Variants in BFAR observed in about 807,000 individuals in gnomAD.
BFAR encodes the protein RING finger protein 47.
In BFAR, 52 loss-of-function variants were observed where a neutral mutation model predicts 54.4. The ratio of observed to expected loss-of-function variants is 0.96; its 90% CI spans 0.77 to 1.21. BFAR has a LOEUF of 1.21. BFAR is among the 50% of genes most tolerant of loss of function. The pLI, the probability that BFAR is intolerant of heterozygous loss-of-function variation, is 0.00. For missense variants in BFAR, 571 were observed against 534.0 expected (o/e 1.07, Z -0.68); for synonymous variants, 215 against 204.3 (o/e 1.05, Z -0.45).
intron 1 of BFAR, among the ~76,000 whole-genome samples, chr16:14,642,450 A>T (rs1000254313): frequency 4.6e-5 from 7 of 152,170 alleles, no homozygotes; most frequent in Non-Finnish European, 8.8e-5. Flanking sequence ...CTACTTCTCA[A>T]TTTAAAAAAA....
intron 4 of BFAR, among the ~76,000 whole-genome samples, chr16:14,652,737 A>G (rs952344853): frequency 6.6e-6 from 1 of 152,044 alleles, no homozygotes; most frequent in Non-Finnish European, 1.5e-5. Flanking sequence ...TTTAATTTAA[A>G]CTGAAAATAT....
chr16:14,663,652 C>T (rs549486991), intron 6 of BFAR, among the ~76,000 whole-genome samples: 2 of 152,164 alleles, frequency 1.3e-5, no homozygotes, highest in South Asian at 4.2e-4. Flanking sequence ...AATTTTTTAT[C>T]TGCTAATATG....
intron 2 of BFAR, among the ~76,000 whole-genome samples, chr16:14,648,014 C>T (rs1420976102): frequency 6.6e-6 from 1 of 152,056 alleles, no homozygotes; most frequent in Non-Finnish European, 1.5e-5. Context: ...CCCCGGTGGG[C>T]AGATTGCCTG....
chr16:14,635,545 G>A (rs552349730), intron 1 of BFAR, among the ~76,000 whole-genome samples: 60 of 152,204 alleles, frequency 3.9e-4, no homozygotes, highest in Non-Finnish European at 6.5e-4. Flanking sequence ...AGGCTCCAGC[G>A]AGAGCCAGGA....
At chr16:14,665,154 C>T in intron 7 of BFAR, 83 bp downstream of exon 7, 3 of 1,324,044 alleles carry the variant, frequency 2.3e-6, no homozygotes, top group South Asian at 2.7e-5. Context: ...ATTTCTCACA[C>T]TTGAAATAAA....
chr16:14,640,876 C>T (rs1441765118), intron 1 of BFAR, among the ~76,000 whole-genome samples: 3 of 152,154 alleles, frequency 2.0e-5, no homozygotes, highest in Non-Finnish European at 2.9e-5. Context: ...CAAACGCAAG[C>T]GTGGCACAGA....
intron 5 of BFAR, 30 bp downstream of exon 5, chr16:14,655,240 TTAC>T: frequency 3.1e-6 from 4 of 1,282,154 alleles, no homozygotes; most frequent in Non-Finnish European, 4.1e-6. Context: ...TTTTTTTTTT[TTAC>T]TTTTTATTTT....
At chr16:14,640,534 C>T (rs1348577131) in intron 1 of BFAR, among the ~76,000 whole-genome samples, 1 of 152,030 alleles carries the variant, frequency 6.6e-6, no homozygotes, top group African/African-American at 2.4e-5. Context: ...TAAATGCTGG[C>T]ACCTCATTTA....
Position 14,644,435 on chromosome 16 carries a change from G to C in BFAR, c.89G>C (p.Ser30Thr). The change falls in exon 2 of 8, where the codon AGT becomes ACT. Residue 30 changes from serine (S) to threonine (T), a missense_variant. By Grantham distance (58) the Ser-to-Thr change is moderately conservative. Transcript: ENST00000261658. ...AGCACCGGCCCTCAGATTTCTGTTA[G>C]TGAATTTTCTTGCCACTGCTGCTAC... ...LKSTGPQISV[S>T]EFSCHCCYDI... 6.2e-7 allele frequency: 1 copy of C among 1,614,040 alleles called. No homozygotes were observed. Among genetic ancestry groups the C allele is most frequent in the Non-Finnish European group, 8.5e-7 (1 of 1,179,988 alleles).
chr16:14,636,884 G>A (rs1959462499), intron 1 of BFAR, among the ~76,000 whole-genome samples: 1 of 152,180 alleles, frequency 6.6e-6, no homozygotes. Flanking sequence ...CTGCCTTCAA[G>A]CATCTGTTTA....
At chr16:14,665,391 T>G (rs561312453) in intron 7 of BFAR, among the ~76,000 whole-genome samples, 2 of 152,256 alleles carry the variant, frequency 1.3e-5, no homozygotes, top group South Asian at 4.1e-4. Flanking sequence ...AAGGGTCTGT[T>G]TTAAGGTAGG....
At chr16:14,654,334 A>G (rs1960059683) in intron 4 of BFAR, among the ~76,000 whole-genome samples, 1 of 151,930 alleles carries the variant, frequency 6.6e-6, no homozygotes, top group African/African-American at 2.4e-5. Context: ...TTTCCTATAC[A>G]TACACACAGT....
At chr16:14,639,772 T>G (rs1250061021) in intron 1 of BFAR, among the ~76,000 whole-genome samples, 1 of 152,230 alleles carries the variant, frequency 6.6e-6, no homozygotes, top group East Asian at 1.9e-4. Context: ...ATTATATATC[T>G]TGGAATTGTC....
At chr16:14,665,731 A>G (rs1338328453) in intron 7 of BFAR, among the ~76,000 whole-genome samples, 2 of 152,232 alleles carry the variant, frequency 1.3e-5, no homozygotes, top group Non-Finnish European at 2.9e-5. Flanking sequence ...ATTAGATAAA[A>G]CCAGAGATCT....
In BFAR at chr16:14,669,045, A is replaced by G; in HGVS notation, c.*1218A>G. Reference sequence around the variant, plus strand: ...TATTTCCTTCCAGTGTGAACACAGCAGGTGTGAGATGTCATCTTGGAAGAC... The same window carrying G: ...TATTTCCTTCCAGTGTGAACACAGCGGGTGTGAGATGTCATCTTGGAAGAC... On this transcript the variant is annotated 3_prime_UTR_variant, in exon 8 of 8. Coordinates refer to ENST00000261658, the MANE Select transcript of BFAR (RefSeq NM_016561.3). The G allele has an allele frequency of 2.2e-6, 1 of 455,210 alleles. No homozygotes were observed. Among genetic ancestry groups the G allele is most frequent in the South Asian group, 1.6e-5 (1 of 64,310 alleles). The allele number at this position is 455,210 out of a possible 1,614,324, so 28.2% of individuals were successfully genotyped here.
At chr16:14,655,356 C>G (rs1960100386) in intron 5 of BFAR, 146 bp downstream of exon 5, 10 of 780,748 alleles carry the variant, frequency 1.3e-5, no homozygotes, top group Non-Finnish European at 1.7e-5. Flanking sequence ...GAGTCCTTCT[C>G]TGTCGCCCAG....
chr16:14,646,243 G>T (rs1959791389), intron 2 of BFAR, among the ~76,000 whole-genome samples: 1 of 152,100 alleles, frequency 6.6e-6, no homozygotes, highest in Admixed American at 6.6e-5. Flanking sequence ...AGTAGAGACG[G>T]GGTTTCCCCA....
chr16:14,636,200 G>C (rs781659827), intron 1 of BFAR, among the ~76,000 whole-genome samples: 5 of 152,168 alleles, frequency 3.3e-5, no homozygotes, highest in Admixed American at 1.3e-4. Context: ...TAGGTGGAAC[G>C]AGAGACTTGG....
intron 1 of BFAR, among the ~76,000 whole-genome samples, chr16:14,642,476 C>G (rs993534583): frequency 6.6e-6 from 1 of 152,154 alleles, no homozygotes; most frequent in Non-Finnish European, 1.5e-5. Flanking sequence ...AAAAATGTCT[C>G]CTAAAACCCA....
Sources: allele counts gnomAD v4.1 joint callset (sites outside exome capture counted in the v4.1 genomes callset), GRCh38; gene constraint gnomAD v4.1.1; transcripts MANE v1.5; gene names NCBI Gene and HGNC (gene_info 2026-07-23, HGNC 2026-07-21).